DPP10: variants seen among roughly 807,000 people sequenced by gnomAD.
DPP10 encodes dipeptidyl peptidase like 10.
A neutral mutation model predicts 120.9 loss-of-function variants in DPP10; 33 were observed. The ratio of observed to expected loss-of-function variants is 0.27; its 90% CI spans 0.21 to 0.37. The LOEUF is 0.37. DPP10 is among the 10% of genes least tolerant of loss of function. The pLI is 1.00. For missense variants in DPP10, 816 were observed against 942.8 expected (o/e 0.87, Z 1.76); for synonymous variants, 337 against 326.1 (o/e 1.03, Z -0.36).
At chr2:115,441,594 A>G (rs932650486) in intron 3 of DPP10, among the ~76,000 whole-genome samples, 14 of 152,262 alleles carry the variant, frequency 9.2e-5, no homozygotes, top group Non-Finnish European at 1.3e-4. Flanking sequence ...TGTCTCAACA[A>G]TGTTTAATAC....
intron 1 of DPP10, among the ~76,000 whole-genome samples, chr2:114,754,167 C>T (rs1679513461): frequency 6.6e-6 from 1 of 152,032 alleles, no homozygotes; most frequent in African/African-American, 2.4e-5. Flanking sequence ...AGGAGGAAAG[C>T]CAACTGCTAA....
At chr2:114,788,431 C>A (rs1297091528) in intron 1 of DPP10, among the ~76,000 whole-genome samples, 1 of 81,408 alleles carries the variant, frequency 1.2e-5, no homozygotes, top group South Asian at 4.1e-4. Flanking sequence ...TTTTTTTTTT[C>A]CTTGAGACGG....
At chr2:115,639,843 C>T (rs1445266730) in intron 5 of DPP10, among the ~76,000 whole-genome samples, 2 of 151,980 alleles carry the variant, frequency 1.3e-5, no homozygotes, top group African/African-American at 4.8e-5. Context: ...CGCAGAGTGA[C>T]AGATTCATGC....
chr2:114,656,436 G>A lies in DPP10; in HGVS notation c.60+213598G>A, dbSNP rs947302774. ...AAGATAAAGGAGAGGACGGAAGGGG[G>A]AAATAAAATTCACATAAATTGCTTA... On this transcript the variant is annotated intron_variant, in intron 1 of 25. Coordinates refer to ENST00000410059, the MANE Select transcript of DPP10 (RefSeq NM_020868.6). 2.6e-5 allele frequency among the ~76,000 whole-genome samples: 4 copies of A among 151,976 alleles called. No individual in the cohort carries two copies. The East Asian group carries it at 7.7e-4, about 29-fold the overall frequency.
At chr2:115,525,877 G>A (rs2078103909) in intron 4 of DPP10, 21 bp from the exon 5 acceptor site, 2 of 1,561,998 alleles carry the variant, frequency 1.3e-6, no homozygotes, top group Non-Finnish European at 8.6e-7. Flanking sequence ...AAATATAACT[G>A]GTTTTTTTTT....
chr2:114,787,085 A>T (rs1380563713), intron 1 of DPP10, among the ~76,000 whole-genome samples: 3 of 152,210 alleles, frequency 2.0e-5, no homozygotes, highest in Non-Finnish European at 4.4e-5. Context: ...ATTGGGAAGA[A>T]AACTTAAGAA....
chr2:114,756,937 G>A (rs888859836), intron 1 of DPP10, among the ~76,000 whole-genome samples: 1 of 152,072 alleles, frequency 6.6e-6, no homozygotes, highest in Non-Finnish European at 1.5e-5. Context: ...ATTTTCCTGT[G>A]ATTACATATG....
intron 1 of DPP10, among the ~76,000 whole-genome samples, chr2:114,868,024 C>T (rs1368256549): frequency 6.6e-6 from 1 of 152,154 alleles, no homozygotes; most frequent in African/African-American, 2.4e-5. Flanking sequence ...AGATAACTGC[C>T]AGTGGAATCA....
chr2:114,576,157 A>G (rs1035968979), intron 1 of DPP10, among the ~76,000 whole-genome samples: 3 of 152,246 alleles, frequency 2.0e-5, no homozygotes, highest in Non-Finnish European at 2.9e-5. Context: ...AAGTCCTAAC[A>G]GTAAATAAAT....
intron 1 of DPP10, among the ~76,000 whole-genome samples, chr2:115,128,753 A>C (rs2104773962): frequency 6.6e-6 from 1 of 152,344 alleles, no homozygotes; most frequent in African/African-American, 2.4e-5. Flanking sequence ...AATGTCCTGC[A>C]GAAGATAATT....
chr2:115,527,259 G>A (rs954763713), intron 5 of DPP10, among the ~76,000 whole-genome samples: 21 of 152,050 alleles, frequency 1.4e-4, no homozygotes, highest in Middle Eastern at 3.4e-3. Context: ...AGGTGCACAA[G>A]CAATTTAATG....
intron 1 of DPP10, among the ~76,000 whole-genome samples, chr2:114,735,334 A>T (rs1463531708): frequency 1.3e-5 from 2 of 152,138 alleles, no homozygotes; most frequent in Non-Finnish European, 2.9e-5. Context: ...GCACCAGCGA[A>T]TTTTTACTGC....
chr2:114,611,973 GACAA>G (rs943916238), intron 1 of DPP10, among the ~76,000 whole-genome samples: 9 of 152,052 alleles, frequency 5.9e-5, no homozygotes, highest in African/African-American at 2.2e-4. Flanking sequence ...CATTTCCTAG[GACAA>G]ACAAACAATG....
chr2:115,458,837 A>G (rs1344123149), intron 3 of DPP10, among the ~76,000 whole-genome samples: 1 of 152,008 alleles, frequency 6.6e-6, no homozygotes, highest in Non-Finnish European at 1.5e-5. Flanking sequence ...CACATTACTT[A>G]TATACGTATT....
chr2:115,373,260 G>T (rs2065546681), intron 3 of DPP10, among the ~76,000 whole-genome samples: 1 of 152,142 alleles, frequency 6.6e-6, no homozygotes, highest in Non-Finnish European at 1.5e-5. Flanking sequence ...CAATGCAATA[G>T]AAAATCTTAC....
At chr2:115,694,150 C>G (rs921526069) in intron 7 of DPP10, among the ~76,000 whole-genome samples, 1 of 152,062 alleles carries the variant, frequency 6.6e-6, no homozygotes, top group Non-Finnish European at 1.5e-5. Context: ...AAGTAAAAGA[C>G]ATACTTCTAC....
intron 1 of DPP10, among the ~76,000 whole-genome samples, chr2:114,746,724 T>C (rs1422010728): frequency 6.6e-6 from 1 of 152,188 alleles, no homozygotes; most frequent in Non-Finnish European, 1.5e-5. Context: ...GGAAACAGAT[T>C]GTTGTTTAGA....
intron 5 of DPP10, among the ~76,000 whole-genome samples, chr2:115,553,891 C>T (rs1014480121): frequency 6.6e-6 from 1 of 151,256 alleles, no homozygotes; most frequent in Non-Finnish European, 1.5e-5. Flanking sequence ...CAAAATAAGT[C>T]ACTGAATTAT....
chr2:115,816,689 T>C (rs1170782902), intron 21 of DPP10, among the ~76,000 whole-genome samples: 1 of 149,038 alleles, frequency 6.7e-6, no homozygotes, highest in East Asian at 2.0e-4. Context: ...CGATCTGGGC[T>C]CACTGCAACC....
Sources: gnomAD v4.1 joint callset for allele counts (sites outside exome capture counted in the v4.1 genomes callset) on GRCh38, gnomAD v4.1.1 for gene constraint, MANE v1.5 for transcripts, NCBI Gene and HGNC (gene_info 2026-07-23, HGNC 2026-07-21) for gene names.